The following RBFOX3 variants were observed in gnomAD, a reference collection of about 807,000 sequenced individuals.
RBFOX3 encodes RNA binding protein fox-1 homolog 3.
Under a neutral mutation model 48.7 loss-of-function variants are expected in RBFOX3, and 17 were observed. The observed-to-expected ratio is 0.35, with a 90% CI of 0.24 to 0.52. RBFOX3 has a LOEUF of 0.52. Among genes scored for constraint, RBFOX3 ranks in the 20% least tolerant of loss-of-function variants. RBFOX3 has a pLI of 0.94. For synonymous variants in RBFOX3, 212 were observed against 209.5 expected (o/e 1.01, Z -0.10); for missense variants, 382 against 497.5 (o/e 0.77, Z 2.21).
intron 1 of RBFOX3, among the ~76,000 whole-genome samples, chr17:79,576,973 T>A (rs2092883368): frequency 1.3e-5 from 2 of 152,016 alleles, no homozygotes; most frequent in Non-Finnish European, 2.9e-5. Context: ...AAAAATGGGG[T>A]TCCCGAGAGC....
chr17:79,486,304 G>C lies in RBFOX3; in HGVS notation c.-319-3706C>G, dbSNP rs1008968576. Among the ~76,000 whole-genome samples, 708 of 152,278 alleles carry C rather than the reference G, an allele frequency of 4.6e-3. 5 individuals carry two copies. The highest frequency in any genetic ancestry group is 0.016 in the African/African-American group (677 of 41,542). On this transcript the variant is annotated intron_variant, in intron 1 of 14. Transcript: ENST00000693108. ...TTCCCCCACTTCCTGGGGACAAAAG[G>C]GTCCAGTCTGTCTCGGGAGTGAGCT...
At chr17:79,414,847 AG>A (rs2065054613) in intron 2 of RBFOX3, among the ~76,000 whole-genome samples, 1 of 152,198 alleles carries the variant, frequency 6.6e-6, no homozygotes, top group Non-Finnish European at 1.5e-5. Context: ...TTCAGTCGGG[AG>A]GAACCATGCA....
chr17:79,338,706 CAT>C (rs1189615671), intron 2 of RBFOX3, among the ~76,000 whole-genome samples: 1 of 152,190 alleles, frequency 6.6e-6, no homozygotes, highest in African/African-American at 2.4e-5. Context: ...CATTGCTACA[CAT>C]GTCCCCAAGT....
intron 1 of RBFOX3, among the ~76,000 whole-genome samples, chr17:79,539,093 T>C (rs1555789503): frequency 6.6e-6 from 1 of 152,208 alleles, no homozygotes; most frequent in East Asian, 1.9e-4. Flanking sequence ...GGCTCATGCC[T>C]GTAACCCCAG....
intron 3 of RBFOX3, among the ~76,000 whole-genome samples, chr17:79,275,244 T>C (rs1567960076): frequency 6.6e-6 from 1 of 151,036 alleles, no homozygotes; most frequent in South Asian, 2.1e-4. Flanking sequence ...TCCTCCCAGA[T>C]TCTTCTGACC....
rs1043989268 is a variant in RBFOX3 at position 79,199,288 on chromosome 17, A to G, written c.-34+36478T>C. On this transcript the variant is annotated intron_variant, in intron 4 of 14. Transcript: ENST00000693108. This position sits in a 1 kb window ranked among gnomAD's most constrained non-coding sequence, Gnocchi z 5.1. The stretch of plus-strand genomic sequence containing the variant: ...ACCACCCACCAGCCCCTTCCGGTGG[A>G]CTTCACACCTGCACGGCACCTCCTG... Among the ~76,000 whole-genome samples the G allele has an allele frequency of 1.3e-5, 2 of 152,214 alleles. No individual in the cohort carries two copies. The highest frequency in any genetic ancestry group is 4.1e-4 in the South Asian group (2 of 4,826).
intron 2 of RBFOX3, among the ~76,000 whole-genome samples, chr17:79,475,835 C>T (rs938851085): frequency 5.3e-5 from 8 of 152,180 alleles, no homozygotes; most frequent in Non-Finnish European, 1.0e-4. Context: ...GCCCCCAGAG[C>T]CAGGAGAAAG....
At chr17:79,529,675 C>T (rs2087395840) in intron 1 of RBFOX3, among the ~76,000 whole-genome samples, 1 of 152,274 alleles carries the variant, frequency 6.6e-6, no homozygotes, top group Middle Eastern at 3.4e-3. Context: ...TACCACTAGC[C>T]CTGGGGACAC....
intron 2 of RBFOX3, among the ~76,000 whole-genome samples, chr17:79,347,072 G>A (rs1051833596): frequency 2.0e-5 from 3 of 152,164 alleles, no homozygotes; most frequent in South Asian, 2.1e-4. Context: ...CTGCATAGGA[G>A]AATGGAAGTT....
At position 79,195,646 on chromosome 17, in the gene RBFOX3, C is replaced by T. The variant is rs983348818; in HGVS notation, c.-34+40120G>A. On this transcript the variant is annotated intron_variant, in intron 4 of 14. Coordinates refer to ENST00000693108, the MANE Select transcript of RBFOX3 (RefSeq NM_001350451.2). This position sits in a 1 kb window ranked among gnomAD's most constrained non-coding sequence, Gnocchi z 5.3. The stretch of plus-strand genomic sequence containing the variant: ...TCCTACCATTGCAGCTGTGCAGGCA[C>T]ACAGTGTCTGCTGAGGCCAGTGGTG... Among the ~76,000 whole-genome samples the T allele has an allele frequency of 1.3e-5, 2 of 152,220 alleles. No homozygotes were observed. Among genetic ancestry groups the T allele is most frequent in the African/African-American group, 4.8e-5 (2 of 41,452 alleles).
rs181144330 is a variant in RBFOX3 at position 79,159,526 on chromosome 17, A to C, written c.-33-43778T>G. ...CTGGAGACTCCTGGAACACCCCTGC[A>C]TTCTCCCTTCATTCTCAAGCAATAT... On this transcript the variant is annotated intron_variant, in intron 4 of 14. Coordinates refer to ENST00000693108, the MANE Select transcript of RBFOX3 (RefSeq NM_001350451.2). Among the ~76,000 whole-genome samples the C allele has an allele frequency of 8.8e-4, 134 of 152,214 alleles. 1 individual carries two copies. The highest frequency in any genetic ancestry group is 6.8e-3 in the Middle Eastern group (2 of 294).
At chr17:79,206,739 G>A (rs1287582563) in intron 4 of RBFOX3, among the ~76,000 whole-genome samples, 1 of 152,170 alleles carries the variant, frequency 6.6e-6, no homozygotes, top group African/African-American at 2.4e-5. Flanking sequence ...ACCCCATGGT[G>A]CACCCTGCGC....
chr17:79,409,094 A>G (rs1437529132), intron 2 of RBFOX3, among the ~76,000 whole-genome samples: 2 of 152,166 alleles, frequency 1.3e-5, no homozygotes, highest in East Asian at 3.9e-4. Context: ...GAATCATACA[A>G]TATGTGGCTA....
intron 4 of RBFOX3, among the ~76,000 whole-genome samples, chr17:79,142,908 G>A (rs2144323214): frequency 6.6e-6 from 1 of 152,196 alleles, no homozygotes; most frequent in Non-Finnish European, 1.5e-5. Flanking sequence ...TGAAGACCAC[G>A]GCCTCCCACC....
At chr17:79,127,788 G>A (rs981365109) in intron 4 of RBFOX3, among the ~76,000 whole-genome samples, 7 of 152,184 alleles carry the variant, frequency 4.6e-5, no homozygotes, top group African/African-American at 1.4e-4. Context: ...GGGTGGAGCT[G>A]GCCCCACTCA....
Position 79,392,253 on chromosome 17 carries a change from C to T in RBFOX3, c.-174-84429G>A, listed in dbSNP as rs923616590. ...GCCAACGATTGTTCCAGAATCCAAA[C>T]TCACACAGCAGAGAGAGGCAGCTCA... On this transcript the variant is annotated intron_variant, in intron 2 of 14. Coordinates refer to ENST00000693108, the MANE Select transcript of RBFOX3 (RefSeq NM_001350451.2). The surrounding 1 kb of genome is among the most constrained non-coding windows in gnomAD (Gnocchi z 5.0). 3.3e-5 allele frequency among the ~76,000 whole-genome samples: 5 copies of T among 152,228 alleles called. No individual in the cohort carries two copies. Among genetic ancestry groups the T allele is most frequent in the Admixed American group, 3.3e-4 (5 of 15,288 alleles).
chr17:79,161,913 C>G (rs987347526), intron 4 of RBFOX3, among the ~76,000 whole-genome samples: 17 of 152,170 alleles, frequency 1.1e-4, no homozygotes, highest in Non-Finnish European at 2.2e-4. Flanking sequence ...TCTGTGGGGA[C>G]CAGGGCCTCC....
At chr17:79,238,865 A>G (rs1034065039) in intron 3 of RBFOX3, among the ~76,000 whole-genome samples, 1 of 152,168 alleles carries the variant, frequency 6.6e-6, no homozygotes, top group African/African-American at 2.4e-5. Context: ...TGAAAGCTCC[A>G]GAACTAGAGG....
intron 1 of RBFOX3, among the ~76,000 whole-genome samples, chr17:79,548,769 G>A (rs1762313996): frequency 6.6e-6 from 1 of 152,222 alleles, no homozygotes; most frequent in African/African-American, 2.4e-5. Context: ...TACTGCTGTA[G>A]CCCCAGTGCC....
Sources: allele counts gnomAD v4.1 joint callset (sites outside exome capture counted in the v4.1 genomes callset), GRCh38; gene constraint gnomAD v4.1.1; non-coding constraint Gnocchi (gnomAD v3.1); transcripts MANE v1.5; gene names NCBI Gene and HGNC (gene_info 2026-07-23, HGNC 2026-07-21).